CNTNAP2: variants seen among roughly 807,000 people sequenced by gnomAD.
CNTNAP2 encodes contactin associated protein 2.
A neutral mutation model predicts 155.2 loss-of-function variants in CNTNAP2; 98 were observed. That is an observed-to-expected ratio of 0.63 (90% CI 0.54 to 0.75). The LOEUF (loss-of-function observed/expected upper bound fraction) is 0.75, where lower values mean the gene tolerates loss of function less well. Among genes scored for constraint, CNTNAP2 ranks in the 30% least tolerant of loss-of-function variants. The pLI is 0.00. For missense variants in CNTNAP2, 1,727 were observed against 1,688.1 expected, an observed-to-expected ratio of 1.02 and a Z score of -0.40; for synonymous variants, 651 against 631.2, an observed-to-expected ratio of 1.03 and a Z score of -0.47.
chr7:147,591,822 G>A (rs1044007905), intron 12 of CNTNAP2, among the ~76,000 whole-genome samples: 4 of 152,050 alleles, frequency 2.6e-5, no homozygotes, highest in African/African-American at 9.7e-5. Context: ...CCTCTCACCA[G>A]GTAAACTCTC....
chr7:147,154,991 A>T (rs1016148256), intron 8 of CNTNAP2, among the ~76,000 whole-genome samples: 2 of 152,212 alleles, frequency 1.3e-5, no homozygotes, highest in Admixed American at 6.5e-5. Context: ...CTAAAAAGAC[A>T]TCGGCAGACT....
At chr7:146,134,872 C>G (rs1038599947) in intron 1 of CNTNAP2, among the ~76,000 whole-genome samples, 14 of 151,608 alleles carry the variant, frequency 9.2e-5, no homozygotes, top group Admixed American at 8.6e-4. Flanking sequence ...CTAAAATTCT[C>G]TTTTTTTGTT....
At chr7:148,049,682 T>C (rs1454454857) in intron 15 of CNTNAP2, among the ~76,000 whole-genome samples, 1 of 152,166 alleles carries the variant, frequency 6.6e-6, no homozygotes, top group Non-Finnish European at 1.5e-5. Context: ...TACTCCTATG[T>C]TTGTGATGAC....
chr7:147,665,396 A>T, intron 13 of CNTNAP2, among the ~76,000 whole-genome samples: 1 of 152,220 alleles, frequency 6.6e-6, no homozygotes, highest in East Asian at 1.9e-4. Flanking sequence ...TTTGGAAGAA[A>T]TTCAAATACT....
intron 18 of CNTNAP2, among the ~76,000 whole-genome samples, chr7:148,187,028 TC>T (rs2116711561): frequency 1.3e-5 from 2 of 152,082 alleles, no homozygotes; most frequent in East Asian, 3.9e-4. Flanking sequence ...CAGGCCTAAG[TC>T]CTAAAAGTTC....
intron 3 of CNTNAP2, among the ~76,000 whole-genome samples, chr7:146,972,281 G>A (rs1797817278): frequency 6.6e-6 from 1 of 152,056 alleles, no homozygotes; most frequent in Non-Finnish European, 1.5e-5. Context: ...TATATACTAT[G>A]TACATATACA....
intron 8 of CNTNAP2, among the ~76,000 whole-genome samples, chr7:147,293,960 G>T (rs886388520): frequency 2.0e-5 from 3 of 152,098 alleles, no homozygotes; most frequent in Non-Finnish European, 2.9e-5. Flanking sequence ...TTCGTTTTAG[G>T]TTAAATTTTC....
chr7:146,483,282 A>AAAAATATATAT (rs1178407767), intron 1 of CNTNAP2, among the ~76,000 whole-genome samples: 2 of 39,870 alleles, frequency 5.0e-5, no homozygotes, highest in Non-Finnish European at 5.0e-5. Context: ...TCTAAAAAAA[A>AAAAATATATAT]ATATATATAT....
At position 147,033,160 on chromosome 7, in the gene CNTNAP2, GTATATATATATATATATATATATA is replaced by G. The variant is rs3081742; in HGVS notation, c.403-10727_403-10704del. On this transcript the variant is annotated intron_variant, in intron 3 of 23. Transcript: ENST00000361727. ...AGGATATTGCTGCATATATATATAT[GTATATATATATATATATATATATA>G]TATATATATATATATATATGGAATA... Among the ~76,000 whole-genome samples, 39 of 90,840 alleles carry G rather than the reference GTATATATATATATATATATATATA, an allele frequency of 4.3e-4. 1 individual carries two copies. Among genetic ancestry groups the G allele is most frequent in the South Asian group, 4.1e-3 (12 of 2,930 alleles). 59.6% of individuals were successfully genotyped at this position (90,840 alleles called of 152,430 possible). A position where few individuals can be genotyped will look rare whatever the true frequency, so the allele number is the denominator to read the frequency against.
rs1193441198 is a variant in CNTNAP2 at position 146,847,969 on chromosome 7, A to G, written c.402+8065A>G. On this transcript the variant is annotated intron_variant, in intron 3 of 23. Transcript: ENST00000361727. ...GGAAAGAAATAACCCATTTTTGTCT[A>G]CAGTACTTCTCTGTGTCTTCTTAGG... Among the ~76,000 whole-genome samples the G allele has an allele frequency of 2.6e-5, 4 of 152,312 alleles. No homozygotes were observed. In the East Asian group the frequency reaches 7.7e-4, roughly 29 times the overall value.
chr7:146,224,502 C>T (rs1799259541), intron 1 of CNTNAP2, among the ~76,000 whole-genome samples: 1 of 150,686 alleles, frequency 6.6e-6, no homozygotes, highest in South Asian at 2.1e-4. Context: ...AATCCCAGCA[C>T]TTTGGGAGGC....
chr7:146,233,362 A>G (rs555357907), intron 1 of CNTNAP2, among the ~76,000 whole-genome samples: 26 of 152,276 alleles, frequency 1.7e-4, no homozygotes, highest in South Asian at 1.0e-3. Flanking sequence ...ATAATTAGCC[A>G]GTGGTTTTTC....
chr7:146,123,622 G>A (rs772422178), intron 1 of CNTNAP2, among the ~76,000 whole-genome samples: 3 of 151,974 alleles, frequency 2.0e-5, no homozygotes, highest in Admixed American at 1.3e-4. Flanking sequence ...AATCTTGCCT[G>A]GACTCACAAT....
rs1461179223 is a variant in CNTNAP2 at position 148,140,312 on chromosome 7, C to T, written c.2555-7179C>T. Among the ~76,000 whole-genome samples, 4 of 152,132 alleles carry T rather than the reference C, an allele frequency of 2.6e-5. No homozygotes were observed. The East Asian group carries it at 7.7e-4, about 29-fold the overall frequency. ...AATGATTGATTGCCCACATGGCTGA[C>T]CTCAGTTTCCAGCCCCTCAGAAGGC... On this transcript the variant is annotated intron_variant, in intron 16 of 23. Coordinates refer to ENST00000361727, the MANE Select transcript of CNTNAP2 (RefSeq NM_014141.6).
At chr7:147,850,626 CA>C (rs974734603) in intron 13 of CNTNAP2, among the ~76,000 whole-genome samples, 4 of 152,186 alleles carry the variant, frequency 2.6e-5, no homozygotes, top group African/African-American at 9.7e-5. Flanking sequence ...CACACATCTA[CA>C]ACCATCTGAT....
At chr7:147,772,446 C>A (rs1462714942) in intron 13 of CNTNAP2, among the ~76,000 whole-genome samples, 7 of 63,716 alleles carry the variant, frequency 1.1e-4, no homozygotes, top group Admixed American at 4.1e-4. Context: ...CTCTCTCTCG[C>A]TATATATATA....
At chr7:147,928,902 C>A (rs904614635) in intron 14 of CNTNAP2, among the ~76,000 whole-genome samples, 1 of 151,756 alleles carries the variant, frequency 6.6e-6, no homozygotes, top group Admixed American at 6.6e-5. Flanking sequence ...ATCAGCCTGA[C>A]CAACATGGAG....
chr7:147,776,425 T>C (rs1797587504), intron 13 of CNTNAP2, among the ~76,000 whole-genome samples: 1 of 152,112 alleles, frequency 6.6e-6, no homozygotes, highest in South Asian at 2.1e-4. Flanking sequence ...CTTGGCCTGT[T>C]TTTCAATGAG....
intron 8 of CNTNAP2, among the ~76,000 whole-genome samples, chr7:147,249,603 G>GAAAAAAAAAA (rs1563133155): frequency 1.6e-4 from 4 of 24,350 alleles, no homozygotes; most frequent in South Asian, 1.3e-3. Context: ...GACATTGGAG[G>GAAAAAAAAAA]TAAAAAAAAA....
Sources: gnomAD v4.1 joint callset for allele counts (sites outside exome capture counted in the v4.1 genomes callset) on GRCh38, gnomAD v4.1.1 for gene constraint, MANE v1.5 for transcripts, NCBI Gene and HGNC (gene_info 2026-07-23, HGNC 2026-07-21) for gene names.